Variants in GLS observed in about 807,000 individuals in gnomAD.
The protein encoded by GLS is glutaminase kidney isoform, mitochondrial.
GLS carries 36 observed loss-of-function variants against 86.7 expected under a neutral mutation model. That is an observed-to-expected ratio of 0.42 (90% confidence interval 0.32 to 0.55). The LOEUF is 0.55. Among genes scored for constraint, GLS ranks in the 20% least tolerant of loss-of-function variants. The pLI, the probability that GLS is intolerant of heterozygous loss-of-function variation, is 0.17. For missense variants in GLS, 528 were observed against 833.4 expected, an observed-to-expected ratio of 0.63 and a Z score of 4.51; for synonymous variants, 317 against 305.9, an observed-to-expected ratio of 1.04 and a Z score of -0.38.
chr2:190,890,885 A>G (rs1688538258), intron 1 of GLS, among the ~76,000 whole-genome samples: 2 of 151,990 alleles, frequency 1.3e-5, no homozygotes, highest in Admixed American at 6.5e-5. Flanking sequence ...GAGTTATGCG[A>G]AAAAAAAAAT....
intron 7 of GLS, among the ~76,000 whole-genome samples, chr2:190,918,666 C>A (rs1038597007): frequency 7.9e-5 from 12 of 152,134 alleles, no homozygotes; most frequent in African/African-American, 2.7e-4. Context: ...AACTTTGGTG[C>A]AAGAGGCTCA....
chr2:190,880,911 A>ACCC lies in GLS; in HGVS notation c.-174_-173insCCC, dbSNP rs1482136777. The ACCC allele has an allele frequency of 1.2e-5, 10 of 856,636 alleles. No homozygotes were observed. The African/African-American group carries it at 1.7e-4, about 15-fold the overall frequency. 53.1% of individuals were successfully genotyped at this position (856,636 alleles called of 1,614,324 possible). A position where few individuals can be genotyped will look rare whatever the true frequency, so the allele number is the denominator to read the frequency against. ...CAGCAGCAGCAGCAGCAGCAGCAGC[A>ACCC]GCAGCAGCACCCGCATCCGCTGCGG... On this transcript the variant is annotated 5_prime_UTR_variant, in exon 1 of 18. Coordinates refer to ENST00000320717, the MANE Select transcript of GLS (RefSeq NM_014905.5).
At chr2:190,911,841 C>T (rs1467148889) in intron 7 of GLS, among the ~76,000 whole-genome samples, 1 of 152,044 alleles carries the variant, frequency 6.6e-6, no homozygotes, top group Non-Finnish European at 1.5e-5. Context: ...GAGGCTGATC[C>T]ATGGGTCCTA....
intron 14 of GLS, chr2:190,934,067 T>G: frequency 2.1e-6 from 2 of 974,674 alleles, no homozygotes; most frequent in Non-Finnish European, 2.4e-6. Context: ...TTCACACTTC[T>G]TCCTTCTTCC....
chr2:190,937,610 AAG>A (rs890128431), intron 14 of GLS, among the ~76,000 whole-genome samples: 8 of 151,346 alleles, frequency 5.3e-5, no homozygotes, highest in African/African-American at 1.9e-4. Context: ...ATAGGAGAGG[AAG>A]AGAATTTAAG....
In GLS at chr2:190,930,685, C is replaced by A; in HGVS notation, c.1557+117C>A. ...TCTTGGCCCTCCGCCTATAGTGTGC[C>A]AGTTACTAGGGAGCCGTGGAAATAC... On this transcript the variant is annotated intron_variant, in intron 13 of 17. Coordinates refer to ENST00000320717, the MANE Select transcript of GLS (RefSeq NM_014905.5). This position sits in a 1 kb window ranked among gnomAD's most constrained non-coding sequence, Gnocchi z 5.0. 1 of 872,020 alleles carries A rather than the reference C, an allele frequency of 1.1e-6. No homozygotes were observed. Among genetic ancestry groups the A allele is most frequent in the Non-Finnish European group, 1.7e-6 (1 of 577,108 alleles). The allele number at this position is 872,020 out of a possible 1,614,324, so 54.0% of individuals were successfully genotyped here.
chr2:190,913,847 C>A lies in GLS; in HGVS notation c.1038+3526C>A. ...ACAAGGTCTCTCTCTGTTGCCCAGT[C>A]TAAGTGCAGTGGTACAGTCATAACC... On this transcript the variant is annotated intron_variant, in intron 7 of 17. Transcript: ENST00000320717. This position sits in a 1 kb window ranked among gnomAD's most constrained non-coding sequence, Gnocchi z 6.1. 1 of 463,056 alleles carries A rather than the reference C, an allele frequency of 2.2e-6. No individual in the cohort carries two copies. Among genetic ancestry groups the A allele is most frequent in the Non-Finnish European group, 2.8e-6 (1 of 352,692 alleles). 28.7% of individuals were successfully genotyped at this position (463,056 alleles called of 1,614,324 possible). A position where few individuals can be genotyped will look rare whatever the true frequency, so the allele number is the denominator to read the frequency against.
At chr2:190,934,267 T>C in intron 14 of GLS, 1 of 954,840 alleles carries the variant, frequency 1.0e-6, no homozygotes, top group Non-Finnish European at 1.2e-6. Context: ...TTTTAGATAC[T>C]AGTGCAAATA....
Position 190,895,796 on chromosome 2 carries a change from T to C in GLS, c.605+71T>C. The C allele has an allele frequency of 2.4e-6, 3 of 1,276,104 alleles. No individual in the cohort carries two copies. The highest frequency in any genetic ancestry group is 3.2e-6 in the Non-Finnish European group (3 of 925,248). 79.0% of individuals were successfully genotyped at this position (1,276,104 alleles called of 1,614,324 possible). A position where few individuals can be genotyped will look rare whatever the true frequency, so the allele number is the denominator to read the frequency against. Reference sequence around the variant, plus strand: ...CGGTGATTCTGCTTTTAAAACAAAATTGCATCTTTGAAGGCCACTGCTTCC... The same window carrying C: ...CGGTGATTCTGCTTTTAAAACAAAACTGCATCTTTGAAGGCCACTGCTTCC... On this transcript the variant is annotated intron_variant, in intron 3 of 17. Coordinates refer to ENST00000320717, the MANE Select transcript of GLS (RefSeq NM_014905.5). This position sits in a 1 kb window ranked among gnomAD's most constrained non-coding sequence, Gnocchi z 4.2.
In GLS at chr2:190,930,905, A is replaced by G. The variant is rs924760330; in HGVS notation, c.1557+337A>G. On this transcript the variant is annotated intron_variant, in intron 13 of 17. Coordinates refer to ENST00000320717, the MANE Select transcript of GLS (RefSeq NM_014905.5). This position sits in a 1 kb window ranked among gnomAD's most constrained non-coding sequence, Gnocchi z 5.0. ...ATCTTAAGAATTATTTTGGTTTATT[A>G]TATCTTTAATCTGCATGGTTAAATA... is the stretch of plus-strand genomic sequence containing the variant. Among the ~76,000 whole-genome samples the G allele has an allele frequency of 1.3e-5, 2 of 152,364 alleles. No homozygotes were observed. Among genetic ancestry groups the G allele is most frequent in the South Asian group, 4.1e-4 (2 of 4,828 alleles).
At position 190,954,368 on chromosome 2, in the gene GLS, A is replaced by C. The variant is rs1690804578; in HGVS notation, c.1713-216A>C. Among the ~76,000 whole-genome samples, 1 of 152,048 alleles carries C rather than the reference A, an allele frequency of 6.6e-6. No homozygotes were observed. The highest frequency in any genetic ancestry group is 1.5e-5 in the Non-Finnish European group (1 of 68,018). ...TTCTGTGAGAGATGGTTAACATTTAATCTTACCTAAAAAAAAGCAAAGCTG... is the reference window on the plus strand; with the variant it reads ...TTCTGTGAGAGATGGTTAACATTTACTCTTACCTAAAAAAAAGCAAAGCTG... On this transcript the variant is annotated intron_variant, in intron 15 of 17. Coordinates refer to ENST00000320717, the MANE Select transcript of GLS (RefSeq NM_014905.5). The surrounding 1 kb of genome is among the most constrained non-coding windows in gnomAD (Gnocchi z 4.0).
At chr2:190,929,474 AT>A (rs34321717) in intron 12 of GLS, among the ~76,000 whole-genome samples, 17,319 of 145,202 alleles carry the variant, frequency 0.12, 1,329 homozygotes, top group Admixed American at 0.27. Context: ...CTGTTTCATA[AT>A]TTTTTTTTTT....
intron 1 of GLS, among the ~76,000 whole-genome samples, chr2:190,892,163 A>G (rs537357921): frequency 6.6e-6 from 1 of 152,292 alleles, no homozygotes; most frequent in Admixed American, 6.5e-5. Context: ...TTTTTCATTA[A>G]GAAATTATTT....
At chr2:190,961,761 C>T (rs61416791) in intron 17 of GLS, among the ~76,000 whole-genome samples, 12,846 of 147,942 alleles carry the variant, frequency 0.087, 1,048 homozygotes, top group Admixed American at 0.26. Context: ...AAACAGGCTA[C>T]CAAAATTTAT....
rs537619330 is a variant in GLS, at chr2:190,955,864, T to A, written c.1853+1046T>A. Among the ~76,000 whole-genome samples the A allele has an allele frequency of 6.6e-6, 1 of 152,384 alleles. No homozygotes were observed. Among genetic ancestry groups the A allele is most frequent in the South Asian group, 2.1e-4 (1 of 4,830 alleles). ...TCATTGTGGTTTTGATTTGCATTTCTCTAATGACCAGTGATGATGATATTT... is the reference window on the plus strand; with the variant it reads ...TCATTGTGGTTTTGATTTGCATTTCACTAATGACCAGTGATGATGATATTT... On this transcript the variant is annotated intron_variant, in intron 17 of 17. Transcript: ENST00000320717. The surrounding 1 kb of genome is among the most constrained non-coding windows in gnomAD (Gnocchi z 5.6).
rs1188247682 is a variant in GLS at position 190,881,298 on chromosome 2, C to T, written c.214C>T (p.Leu72=). 3.4e-6 allele frequency: 5 copies of T among 1,449,536 alleles called. No individual in the cohort carries two copies. The highest frequency in any genetic ancestry group is 2.5e-5 in the Admixed American group (1 of 39,594). The allele number at this position is 1,449,536 out of a possible 1,614,324, so 89.8% of individuals were successfully genotyped here. ...GWPAEPLARG[L]SSSPSEILQE... ...GCCGGCGGAGCCCCTCGCGCGGGGC[C>T]TGTCCAGCTCTCCTTCGGAGATCTT... is the stretch of plus-strand genomic sequence containing the variant. The change falls in exon 1 of 18, where the codon CTG becomes TTG. Residue 72 remains leucine, a synonymous_variant. Transcript: ENST00000320717.
In GLS at chr2:190,910,407, G is replaced by A. The variant is rs527735263; in HGVS notation, c.1038+86G>A. 3 of 658,604 alleles carry A rather than the reference G, an allele frequency of 4.6e-6. No individual in the cohort carries two copies. In the East Asian group the frequency reaches 8.3e-5, roughly 18 times the overall value. The allele number at this position is 658,604 out of a possible 1,614,324, so 40.8% of individuals were successfully genotyped here. The stretch of plus-strand genomic sequence containing the variant: ...TAAAGATGAATCTGGGATTATTTAT[G>A]TAGAATTATGAAAAATTTTCTCTTG... On this transcript the variant is annotated intron_variant, in intron 7 of 17. Transcript: ENST00000320717.
rs913803514 is a variant in GLS, at chr2:190,954,166, C to G, written c.1713-418C>G. On this transcript the variant is annotated intron_variant, in intron 15 of 17. Transcript: ENST00000320717. The surrounding 1 kb of genome is among the most constrained non-coding windows in gnomAD (Gnocchi z 4.0). ...AGTGGAAAAATGTCTGTGCTTCCCCCCCTTGTTTTGAAGTCTGACAAGTAC... is the reference window on the plus strand; with the variant it reads ...AGTGGAAAAATGTCTGTGCTTCCCCGCCTTGTTTTGAAGTCTGACAAGTAC... Among the ~76,000 whole-genome samples the G allele has an allele frequency of 3.9e-5, 6 of 151,936 alleles. No homozygotes were observed. Among genetic ancestry groups the G allele is most frequent in the Non-Finnish European group, 7.4e-5 (5 of 68,010 alleles).
Position 190,964,428 on chromosome 2 carries a change from CTTTT to C in GLS, c.*1448_*1451del, listed in dbSNP as rs112472193. The C allele has an allele frequency of 2.0e-5, 3 of 151,444 alleles. No homozygotes were observed. The highest frequency in any genetic ancestry group is 2.9e-5 in the Non-Finnish European group (2 of 67,840). 9.4% of individuals were successfully genotyped at this position (151,444 alleles called of 1,614,324 possible). On this transcript the variant is annotated 3_prime_UTR_variant, in exon 18 of 18. Transcript: ENST00000320717. This position sits in a 1 kb window ranked among gnomAD's most constrained non-coding sequence, Gnocchi z 5.2. ...AGTTGTTATCACATACAGCAAATTC[CTTTT>C]TTTTTCTTTTTCTATGAGCACACTC... is the stretch of plus-strand genomic sequence containing the variant.
Sources: allele counts gnomAD v4.1 joint callset (sites outside exome capture counted in the v4.1 genomes callset), GRCh38; gene constraint gnomAD v4.1.1; non-coding constraint Gnocchi (gnomAD v3.1); transcripts MANE v1.5; gene names NCBI Gene and HGNC (gene_info 2026-07-23, HGNC 2026-07-21).